PCLAF: variants seen among roughly 807,000 people sequenced by gnomAD.
PCLAF encodes PCNA clamp associated factor.
A neutral mutation model predicts 15.1 loss-of-function variants in PCLAF; 12 were observed. The ratio of observed to expected loss-of-function variants is 0.79; its 90% confidence interval spans 0.51 to 1.29. The LOEUF is 1.29. PCLAF is among the 50% of genes most tolerant of loss of function. PCLAF has a pLI of 0.00. For missense variants in PCLAF, 116 were observed against 130.9 expected (o/e 0.89, Z 0.56); for synonymous variants, 33 against 47.1 (o/e 0.70, Z 1.22).
At chr15:64,379,960 C>A (rs2062249) in intron 2 of PCLAF, among the ~76,000 whole-genome samples, 121,920 of 151,760 alleles carry the variant, frequency 0.8, 49,949 homozygotes, top group East Asian at 0.95. Context: ...AAAACAAAAA[C>A]ATTTTTATTA....
intron 2 of PCLAF, among the ~76,000 whole-genome samples, chr15:64,377,761 T>G (rs1340685862): frequency 4.4e-5 from 5 of 112,448 alleles, no homozygotes; most frequent in South Asian, 3.1e-4. Context: ...TTTTTTTTTT[T>G]TTTTTTTTTT....
chr15:64,365,013 T>TTTG lies in PCLAF; in HGVS notation c.*1016_*1017insCAA, dbSNP rs1898973520. On this transcript the variant is annotated 3_prime_UTR_variant, in exon 4 of 4. Transcript: ENST00000300035. ...TTAAAATTTTTTTTTTTTTTTTTTT[T>TTTG]GAGACGGAGTCTCGCTCTGTCGCCC... 6.7e-6 allele frequency: 1 copy of TTTG among 149,772 alleles called. No individual in the cohort carries two copies. The highest frequency in any genetic ancestry group is 2.5e-5 in the African/African-American group (1 of 40,634). 9.3% of individuals were successfully genotyped at this position (149,772 alleles called of 1,614,324 possible).
At chr15:64,379,480 CAAA>C (rs539274631) in intron 2 of PCLAF, among the ~76,000 whole-genome samples, 1 of 114,232 alleles carries the variant, frequency 8.8e-6, no homozygotes, top group Non-Finnish European at 1.9e-5. Context: ...GACCCTGTCT[CAAA>C]AAAAAAAAAG....
intron 1 of PCLAF, 59 bp from the exon 2 acceptor site, chr15:64,381,097 C>T: frequency 6.6e-7 from 1 of 1,521,490 alleles, no homozygotes; most frequent in South Asian, 1.1e-5. Flanking sequence ...GACACCGAGT[C>T]CTGGACCCCA....
chr15:64,373,565 T>C, intron 3 of PCLAF: 7 of 1,418,550 alleles, frequency 4.9e-6, no homozygotes, highest in Non-Finnish European at 6.5e-6. Flanking sequence ...TAGGGCACTG[T>C]TGGAGGGCTT....
chr15:64,384,508 A>C (rs180802120), upstream of PCLAF, among the ~76,000 whole-genome samples: 2 of 151,474 alleles, frequency 1.3e-5, no homozygotes, highest in African/African-American at 4.8e-5. Context: ...TTTGGGAGGC[A>C]GAGGCAGGTA....
At chr15:64,373,819 C>G in intron 3 of PCLAF, 6 of 1,504,914 alleles carry the variant, frequency 4.0e-6, no homozygotes, top group Non-Finnish European at 5.3e-6. Context: ...ATCATAATGG[C>G]AGTGACATCA....
chr15:64,381,374 T>G lies in PCLAF; in HGVS notation c.-3A>C. 1 of 1,614,086 alleles carries G rather than the reference T, an allele frequency of 6.2e-7. No individual in the cohort carries two copies. The highest frequency in any genetic ancestry group is 1.3e-5 in the African/African-American group (1 of 75,018). On this transcript the variant is annotated 5_prime_UTR_variant, in exon 1 of 4. Transcript: ENST00000300035. ...CTGTCTGCTTTAGTCCGCACCATGT[T>G]CAAACAAGAAGAGAGGAGAGGAGAG...
At chr15:64,374,649 G>A (rs1002594039) in intron 3 of PCLAF, among the ~76,000 whole-genome samples, 5 of 151,992 alleles carry the variant, frequency 3.3e-5, no homozygotes, top group Non-Finnish European at 5.9e-5. Flanking sequence ...GTTTGAGACC[G>A]GCCTAGGCAA....
exon 1 of PCLAF, chr15:64,387,548 T>C: frequency 7.5e-7 from 1 of 1,333,466 alleles, no homozygotes; most frequent in Non-Finnish European, 9.7e-7. Flanking sequence ...GTTTTCCCCC[T>C]AAACTGTCGT....
At chr15:64,373,600 C>T in intron 3 of PCLAF, 8 of 1,463,510 alleles carry the variant, frequency 5.5e-6, no homozygotes, top group Admixed American at 4.7e-5. Context: ...CAGTAGCTTC[C>T]GGCATACTGG....
Position 64,380,958 on chromosome 15 carries a change from CT to C in PCLAF, c.126del (p.Ala43LeufsTer49), listed in dbSNP as rs1395239906. 1 of 1,613,918 alleles carries C rather than the reference CT, an allele frequency of 6.2e-7. No individual in the cohort carries two copies. Among genetic ancestry groups the C allele is most frequent in the East Asian group, 2.2e-5 (1 of 44,872 alleles). On this transcript the variant is annotated frameshift_variant and splice_region_variant, in exon 2 of 4. Coordinates refer to ENST00000300035, the MANE Select transcript of PCLAF (RefSeq NM_014736.6). LOFTEE classifies it high-confidence loss of function. ...ATNSTSVSSR[K>X]AENKYAGGNP... ...CTAACTTTAGGAGGGCTCTTCTTAC[CT>C]TTCCTCGATGAAACTGATGTCGAAT...
At chr15:64,381,501 C>T (rs1365970584), upstream of PCLAF, 9 of 1,568,576 alleles carry the variant, frequency 5.7e-6, no homozygotes, top group African/African-American at 8.1e-5. Context: ...TCCAAGGTCT[C>T]TCCCGAGCCA....
At chr15:64,385,399 G>C (rs1409460830), upstream of PCLAF, among the ~76,000 whole-genome samples, 1 of 151,924 alleles carries the variant, frequency 6.6e-6, no homozygotes, top group Non-Finnish European at 1.5e-5. Flanking sequence ...GCCGAGGCGG[G>C]AGGATCACCT....
At chr15:64,376,297 T>C (rs1310023538) in intron 3 of PCLAF, among the ~76,000 whole-genome samples, 1 of 152,144 alleles carries the variant, frequency 6.6e-6, no homozygotes, top group African/African-American at 2.4e-5. Context: ...AAAAACTTTT[T>C]TTGCATTTTC....
At chr15:64,371,797 A>G (rs1181705661) in intron 3 of PCLAF, among the ~76,000 whole-genome samples, 1 of 151,802 alleles carries the variant, frequency 6.6e-6, no homozygotes, top group Non-Finnish European at 1.5e-5. Flanking sequence ...GAGTTTCACC[A>G]TGTTCTCCAG....
rs1037163019 is a variant in PCLAF at position 64,364,538 on chromosome 15, C to A, written c.*1492G>T. 2.0e-5 allele frequency: 3 copies of A among 151,972 alleles called. No individual in the cohort carries two copies. Among genetic ancestry groups the A allele is most frequent in the African/African-American group, 7.3e-5 (3 of 41,362 alleles). 9.4% of individuals were successfully genotyped at this position (151,972 alleles called of 1,614,324 possible). On this transcript the variant is annotated 3_prime_UTR_variant, in exon 4 of 4. Coordinates refer to ENST00000300035, the MANE Select transcript of PCLAF (RefSeq NM_014736.6). ...TTTGCCTTTCATGTTATATTGACTT[C>A]CAACTTTAAAATTATATTTTATGAT...
chr15:64,379,231 C>A (rs1899734906), intron 2 of PCLAF, among the ~76,000 whole-genome samples: 1 of 152,016 alleles, frequency 6.6e-6, no homozygotes, highest in Non-Finnish European at 1.5e-5. Flanking sequence ...AATCCCAGCA[C>A]TTTGGTAGGC....
At chr15:64,384,716 T>A (rs1899899021), upstream of PCLAF, among the ~76,000 whole-genome samples, 1 of 144,440 alleles carries the variant, frequency 6.9e-6, no homozygotes, top group Admixed American at 7.0e-5. Context: ...CACTCCAGCC[T>A]GGGTGATGGA....
Sources: allele counts gnomAD v4.1 joint callset (sites outside exome capture counted in the v4.1 genomes callset), GRCh38; gene constraint gnomAD v4.1.1; transcripts MANE v1.5; gene names NCBI Gene and HGNC (gene_info 2026-07-23, HGNC 2026-07-21).